The following WLS variants were observed in gnomAD, a reference collection of about 807,000 sequenced individuals.
WLS encodes the protein Wnt ligand secretion mediator.
Under a neutral mutation model 62.8 loss-of-function variants are expected in WLS, and 23 were observed. The ratio of observed to expected loss-of-function variants is 0.37; its 90% CI spans 0.26 to 0.52. The LOEUF is 0.52. Ranked by LOEUF, WLS falls within the 20% of genes least tolerant of loss-of-function variation. The probability of loss-of-function intolerance (pLI) is 0.92; values close to 1 mark genes in which losing one functional copy is unlikely to be tolerated. For synonymous variants in WLS, 246 were observed against 244.1 expected, an observed-to-expected ratio of 1.01 and a Z score of -0.07; for missense variants, 615 against 697.3, an observed-to-expected ratio of 0.88 and a Z score of 1.33.
At chr1:68,220,513 C>T (rs1027379819) in intron 1 of WLS, among the ~76,000 whole-genome samples, 5 of 152,122 alleles carry the variant, frequency 3.3e-5, no homozygotes, top group African/African-American at 1.2e-4. Context: ...AATGGTTAGT[C>T]TAGGTTACAA....
chr1:68,139,306 C>T (rs552669158), intron 10 of WLS, among the ~76,000 whole-genome samples: 22 of 142,160 alleles, frequency 1.5e-4, no homozygotes, highest in African/African-American at 4.6e-4. Flanking sequence ...CTTAGGACTT[C>T]TTAGAAATGT....
intron 11 of WLS, among the ~76,000 whole-genome samples, chr1:68,133,743 C>T (rs148805897): frequency 4.6e-5 from 7 of 152,344 alleles, no homozygotes; most frequent in Non-Finnish European, 8.8e-5. Context: ...AAAAGTCTAT[C>T]GTGAAATGCT....
At chr1:68,121,617 C>T (rs532849355), downstream of WLS, among the ~76,000 whole-genome samples, 2 of 152,188 alleles carry the variant, frequency 1.3e-5, no homozygotes, top group Non-Finnish European at 1.5e-5. Context: ...AGATGGTTCC[C>T]GGAGCACTAC....
In WLS at chr1:68,126,061, C is replaced by G. The variant is rs1646425532; in HGVS notation, c.*165G>C. The G allele has an allele frequency of 7.0e-7, 1 of 1,436,252 alleles. No individual in the cohort carries two copies. The highest frequency in any genetic ancestry group is 1.4e-5 in the African/African-American group (1 of 69,640). The allele number at this position is 1,436,252 out of a possible 1,614,324, so 89.0% of individuals were successfully genotyped here. On this transcript the variant is annotated 3_prime_UTR_variant, in exon 12 of 12. Transcript: ENST00000262348. ...TGCAGGAATCTTCCTCCAAAAGCTA[C>G]CGTCAGAAGGCAAACTGACAAATGT...
rs1350778536 is a variant in WLS at position 68,137,946 on chromosome 1, G to T, written c.1363-13C>A. 6.2e-7 allele frequency: 1 copy of T among 1,613,576 alleles called. No individual in the cohort carries two copies. ...GGCCTTCCGTTACCTGCGGAGAAAG[G>T]ATGGTGATATTCAATTGAAACAGAG... On this transcript the variant is annotated splice_polypyrimidine_tract_variant and intron_variant, in intron 10 of 11. Coordinates refer to ENST00000262348, the MANE Select transcript of WLS (RefSeq NM_024911.7).
chr1:68,215,280 GA>G (rs1649680693), intron 1 of WLS, among the ~76,000 whole-genome samples: 2 of 152,052 alleles, frequency 1.3e-5, no homozygotes, highest in South Asian at 2.1e-4. Flanking sequence ...ATCCAACTTT[GA>G]AAATAGTATA....
intron 2 of WLS, chr1:68,186,634 G>A (rs1416273333): frequency 2.2e-6 from 1 of 456,152 alleles, no homozygotes; most frequent in South Asian, 1.5e-5. Flanking sequence ...ACTCTTCTCT[G>A]AAGTCCTGTT....
exon 12 of WLS, chr1:68,098,613 C>T (rs1248129120): frequency 6.2e-7 from 1 of 1,611,976 alleles, no homozygotes; most frequent in Non-Finnish European, 8.5e-7. Flanking sequence ...AGCTGATAAA[C>T]ATGTGTTGCC....
At chr1:68,143,234 C>T (rs1433586220) in intron 10 of WLS, among the ~76,000 whole-genome samples, 1 of 152,048 alleles carries the variant, frequency 6.6e-6, no homozygotes, top group Non-Finnish European at 1.5e-5. Flanking sequence ...CAGAATGGAG[C>T]AAGTCGTGTC....
chr1:68,196,418 T>G (rs1341599335), intron 1 of WLS, among the ~76,000 whole-genome samples: 8 of 152,102 alleles, frequency 5.3e-5, no homozygotes, highest in Admixed American at 1.3e-4. Flanking sequence ...TGTGTATTTC[T>G]GTGCATCTGA....
At chr1:68,132,303 A>G (rs1449034038) in intron 11 of WLS, among the ~76,000 whole-genome samples, 1 of 152,092 alleles carries the variant, frequency 6.6e-6, no homozygotes, top group Non-Finnish European at 1.5e-5. Flanking sequence ...CGCTTTTAAG[A>G]CCTGCTTTAG....
At chr1:68,104,794 C>T (rs1646123185) in intron 11 of WLS, among the ~76,000 whole-genome samples, 1 of 152,114 alleles carries the variant, frequency 6.6e-6, no homozygotes, top group Non-Finnish European at 1.5e-5. Flanking sequence ...GTGGTGCATG[C>T]CTGTAGCCCC....
chr1:68,114,665 G>A (rs890319626), intron 11 of WLS, among the ~76,000 whole-genome samples: 7 of 152,314 alleles, frequency 4.6e-5, no homozygotes. Context: ...GCCAGATGAT[G>A]GAGTGACCAC....
intron 2 of WLS, among the ~76,000 whole-genome samples, chr1:68,180,984 T>C (rs1367644635): frequency 6.6e-6 from 1 of 152,222 alleles, no homozygotes; most frequent in Non-Finnish European, 1.5e-5. Context: ...AGCATCAGTG[T>C]GTAGACAATA....
At chr1:68,173,414 CT>C (rs1224442108) in intron 2 of WLS, among the ~76,000 whole-genome samples, 6 of 130,500 alleles carry the variant, frequency 4.6e-5, no homozygotes, top group Admixed American at 7.4e-5. Context: ...GCGTGCCCCT[CT>C]CTCTCTCTCT....
intron 11 of WLS, 24 bp from the exon 12 acceptor site, chr1:68,126,359 G>A (rs767487440): frequency 1.9e-6 from 3 of 1,613,648 alleles, no homozygotes; most frequent in Non-Finnish European, 2.5e-6. Context: ...TTCGGTGTTA[G>A]ATGCATTCAA....
chr1:68,146,716 A>C (rs1305334141), intron 8 of WLS, among the ~76,000 whole-genome samples: 1 of 152,206 alleles, frequency 6.6e-6, no homozygotes, highest in Non-Finnish European at 1.5e-5. Context: ...ATTCAAGGAC[A>C]CATGGCACAG....
At chr1:68,131,051 C>T (rs2566779) in intron 11 of WLS, among the ~76,000 whole-genome samples, 87,735 of 146,448 alleles carry the variant, frequency 0.6, 26,233 homozygotes, top group Admixed American at 0.67. Flanking sequence ...TGCCACCATG[C>T]CCAGCTAATT....
chr1:68,179,196 C>A (rs541975059), intron 2 of WLS, among the ~76,000 whole-genome samples: 2 of 152,310 alleles, frequency 1.3e-5, no homozygotes, highest in African/African-American at 4.8e-5. Context: ...ACTTGAGGGT[C>A]TCTGAAGTCA....
Sources: gnomAD v4.1 joint callset for allele counts (sites outside exome capture counted in the v4.1 genomes callset) on GRCh38, gnomAD v4.1.1 for gene constraint, MANE v1.5 for transcripts, NCBI Gene and HGNC (gene_info 2026-07-23, HGNC 2026-07-21) for gene names.